RBMS3: variants seen among roughly 807,000 people sequenced by gnomAD.
RBMS3 encodes RNA-binding motif, single-stranded-interacting protein 3.
Under a neutral mutation model 66.8 loss-of-function variants are expected in RBMS3, and 27 were observed. The ratio of observed to expected loss-of-function variants is 0.40; its 90% confidence interval spans 0.30 to 0.56. The LOEUF (loss-of-function observed/expected upper bound fraction) is 0.56, where lower values mean the gene tolerates loss of function less well. Among genes scored for constraint, RBMS3 ranks in the 20% least tolerant of loss-of-function variants. The pLI is 0.40. For synonymous variants in RBMS3, 188 were observed against 183.0 expected (o/e 1.03, Z -0.22); for missense variants, 513 against 549.5 (o/e 0.93, Z 0.66).
At chr3:29,680,609 T>G (rs1015500366) in intron 4 of RBMS3, among the ~76,000 whole-genome samples, 1 of 152,176 alleles carries the variant, frequency 6.6e-6, no homozygotes, top group Non-Finnish European at 1.5e-5. Flanking sequence ...AAAATTTCCC[T>G]AACATTTTAT....
chr3:29,454,486 A>G (rs1272254905), intron 2 of RBMS3, among the ~76,000 whole-genome samples: 1 of 152,194 alleles, frequency 6.6e-6, no homozygotes, highest in East Asian at 1.9e-4. Flanking sequence ...TGGTGGATCT[A>G]TTAAAAATAT....
At chr3:29,791,621 C>T (rs1048189699) in intron 6 of RBMS3, among the ~76,000 whole-genome samples, 2 of 152,100 alleles carry the variant, frequency 1.3e-5, no homozygotes, top group African/African-American at 4.8e-5. Flanking sequence ...TTTTACCTTA[C>T]ACATAGTGTG....
chr3:29,645,998 G>A (rs1362747888), intron 4 of RBMS3, among the ~76,000 whole-genome samples: 1 of 152,158 alleles, frequency 6.6e-6, no homozygotes, highest in Admixed American at 6.5e-5. Context: ...AATCTTGCTG[G>A]TTATGCATTG....
At chr3:29,291,284 AC>A (rs1401504852) in intron 1 of RBMS3, among the ~76,000 whole-genome samples, 4 of 152,030 alleles carry the variant, frequency 2.6e-5, no homozygotes, top group Middle Eastern at 3.4e-3. Context: ...CATATCTTTC[AC>A]TATTGTGGCC....
At chr3:29,366,363 C>A (rs1032737695) in intron 1 of RBMS3, among the ~76,000 whole-genome samples, 1 of 152,114 alleles carries the variant, frequency 6.6e-6, no homozygotes, top group South Asian at 2.1e-4. Context: ...ACAATGCCTC[C>A]AAATATGTGT....
chr3:29,410,809 G>A (rs1172575756), intron 1 of RBMS3, among the ~76,000 whole-genome samples: 3 of 152,120 alleles, frequency 2.0e-5, no homozygotes, highest in East Asian at 1.9e-4. Flanking sequence ...GTGTTGACAG[G>A]AGAGAACATA....
chr3:29,762,630 C>A (rs2055741590), intron 5 of RBMS3, among the ~76,000 whole-genome samples: 1 of 152,098 alleles, frequency 6.6e-6, no homozygotes, highest in South Asian at 2.1e-4. Flanking sequence ...CCAAATATTG[C>A]TGGGTGAATT....
At chr3:29,367,562 A>G (rs73062499) in intron 1 of RBMS3, among the ~76,000 whole-genome samples, 72 of 152,298 alleles carry the variant, frequency 4.7e-4, no homozygotes, top group Admixed American at 1.2e-3. Context: ...CACATAATAA[A>G]TAGTATGTTG....
intron 1 of RBMS3, among the ~76,000 whole-genome samples, chr3:29,431,332 C>T (rs1360636730): frequency 5.7e-5 from 8 of 140,460 alleles, no homozygotes; most frequent in East Asian, 2.1e-4. Context: ...CTCACTCTGT[C>T]GCCTGGCTGG....
intron 4 of RBMS3, among the ~76,000 whole-genome samples, chr3:29,660,019 G>A (rs181616285): frequency 9.0e-4 from 137 of 152,094 alleles, no homozygotes; most frequent in African/African-American, 3.1e-3. Context: ...ATGTTTTATC[G>A]TTTTTATTGT....
At chr3:29,554,204 A>C (rs546062886) in intron 3 of RBMS3, among the ~76,000 whole-genome samples, 77 of 152,330 alleles carry the variant, frequency 5.1e-4, no homozygotes, top group African/African-American at 1.7e-3. Context: ...ATTACATCCT[A>C]AATATTTTCA....
intron 3 of RBMS3, among the ~76,000 whole-genome samples, chr3:29,505,667 G>C (rs533189823): frequency 6.6e-6 from 1 of 151,416 alleles, no homozygotes; most frequent in Non-Finnish European, 1.5e-5. Flanking sequence ...AGATTGCTTT[G>C]GGTAGTATGG....
intron 6 of RBMS3, among the ~76,000 whole-genome samples, chr3:29,775,568 C>T (rs1186472989): frequency 6.6e-6 from 1 of 151,980 alleles, no homozygotes; most frequent in Non-Finnish European, 1.5e-5. Flanking sequence ...AGAAAGCTAA[C>T]CACAGATGCC....
intron 10 of RBMS3, chr3:29,926,954 A>G (rs1442790531): frequency 6.6e-6 from 1 of 152,228 alleles, no homozygotes; most frequent in East Asian, 1.9e-4. Flanking sequence ...GTCCTAATTT[A>G]AAAAACCTTA....
intron 1 of RBMS3, among the ~76,000 whole-genome samples, chr3:29,422,704 T>C (rs72853314): frequency 0.031 from 4,664 of 152,218 alleles, 234 homozygotes; most frequent in African/African-American, 0.11. Flanking sequence ...AGTTACCACC[T>C]CACAGCCCCA....
rs142490709 is a variant in RBMS3, at chr3:29,938,526, G to A, written c.1050+2330G>A. 6.1e-4 allele frequency among the ~76,000 whole-genome samples: 93 copies of A among 151,934 alleles called. 1 individual carries two copies. In the East Asian group the frequency reaches 0.01, roughly 17 times the overall value. On this transcript the variant is annotated intron_variant, in intron 11 of 14. Coordinates refer to ENST00000383767, the MANE Select transcript of RBMS3 (RefSeq NM_001003793.3). ...GAAAACAGAATTACTTTGTTGATTC[G>A]TTTAACAAAATATAATTAAGTGTGG...
At chr3:29,333,139 G>A (rs2035759764) in intron 1 of RBMS3, among the ~76,000 whole-genome samples, 1 of 152,082 alleles carries the variant, frequency 6.6e-6, no homozygotes, top group South Asian at 2.1e-4. Context: ...TGTATGTATA[G>A]TAATATTTGC....
intron 13 of RBMS3, among the ~76,000 whole-genome samples, chr3:29,990,706 A>T (rs1395834528): frequency 6.6e-6 from 1 of 152,190 alleles, no homozygotes; most frequent in African/African-American, 2.4e-5. Flanking sequence ...TATAGACATG[A>T]TACAGTGAAA....
chr3:29,509,050 T>A (rs1378037416), intron 3 of RBMS3, among the ~76,000 whole-genome samples: 2 of 151,898 alleles, frequency 1.3e-5, no homozygotes, highest in Non-Finnish European at 2.9e-5. Context: ...GGGGTTGGTT[T>A]TTTTTTTTGT....
Sources: gnomAD v4.1 joint callset for allele counts (sites outside exome capture counted in the v4.1 genomes callset) on GRCh38, gnomAD v4.1.1 for gene constraint, MANE v1.5 for transcripts, NCBI Gene and HGNC (gene_info 2026-07-23, HGNC 2026-07-21) for gene names.